Variants in UTP20 observed in about 807,000 individuals in gnomAD.
UTP20 encodes UTP20 small subunit processome component.
Under a neutral mutation model 329.5 loss-of-function variants are expected in UTP20, and 164 were observed. That is an observed-to-expected ratio of 0.50 (90% CI 0.44 to 0.57). The LOEUF is 0.57. Among genes scored for constraint, UTP20 ranks in the 20% least tolerant of loss-of-function variants. The pLI, the probability that UTP20 is intolerant of heterozygous loss-of-function variation, is 0.00. For synonymous variants in UTP20, 1,151 were observed against 1,159.3 expected (o/e 0.99, Z 0.14); for missense variants, 3,055 against 3,284.2 (o/e 0.93, Z 1.71).
intron 2 of UTP20, among the ~76,000 whole-genome samples, chr12:101,282,853 GAGAA>G (rs1312155269): frequency 6.6e-6 from 1 of 152,192 alleles, no homozygotes; most frequent in Non-Finnish European, 1.5e-5. Context: ...ATAGAGAGAA[GAGAA>G]AGATTCCAGA....
chr12:101,369,153 A>G (rs1365224010), intron 48 of UTP20, among the ~76,000 whole-genome samples: 1 of 152,228 alleles, frequency 6.6e-6, no homozygotes, highest in Non-Finnish European at 1.5e-5. Context: ...CTTTGTATTT[A>G]TAATACCCAG....
At chr12:101,291,229 T>C (rs1477601197) in intron 8 of UTP20, 4 of 186,080 alleles carry the variant, frequency 2.1e-5, no homozygotes, top group Admixed American at 5.9e-5. Context: ...CCCTCAGGGT[T>C]GCTGTGAGGA....
intron 32 of UTP20, among the ~76,000 whole-genome samples, chr12:101,340,907 G>C (rs537778362): frequency 7.5e-6 from 1 of 132,654 alleles, no homozygotes; most frequent in African/African-American, 2.6e-5. Flanking sequence ...TCTCTAACAA[G>C]CCTGGAACCC....
chr12:101,324,217 C>CATTCATTTATTT (rs1868479059), intron 25 of UTP20, among the ~76,000 whole-genome samples: 2 of 146,498 alleles, frequency 1.4e-5, no homozygotes, highest in South Asian at 2.2e-4. Context: ...TTGAGAGCCA[C>CATTCATTTATTT]ATTTATTTAT....
chr12:101,299,560 A>G (rs1565787512), intron 12 of UTP20, 122 bp from the exon 13 acceptor site: 1 of 910,506 alleles, frequency 1.1e-6, no homozygotes, highest in Non-Finnish European at 1.6e-6. Context: ...TAGCTCAACC[A>G]CCACCACCAA....
rs1182038631 is a variant in UTP20, at chr12:101,291,783, C to G, written c.933C>G (p.Asn311Lys). 6.2e-7 allele frequency: 1 copy of G among 1,605,036 alleles called. No individual in the cohort carries two copies. Among genetic ancestry groups the G allele is most frequent in the East Asian group, 2.2e-5 (1 of 44,786 alleles). Residue 311 changes from asparagine to lysine, a missense_variant, in exon 9 of 62, where the codon AAC becomes AAG. By Grantham distance (94) the Asn-to-Lys change is moderately conservative. Coordinates refer to ENST00000261637, the MANE Select transcript of UTP20 (RefSeq NM_014503.3). ...TACACACAAAAGTAACAAAAACTAA[C>G]TGTTGTGAAAGTTCTGAACAGATTA... ...LDLHTKVTKT[N>K]CCESSEQIKR... is the part of the protein sequence containing the mutation.
intron 60 of UTP20, 83 bp downstream of exon 60, chr12:101,383,752 GTCC>G (rs1256488242): frequency 2.0e-5 from 24 of 1,181,362 alleles, no homozygotes; most frequent in Admixed American, 8.7e-5. Flanking sequence ...CTTCCTTTCT[GTCC>G]TCCCTCCCTG....
chr12:101,359,177 C>T (rs1869827335), intron 43 of UTP20, among the ~76,000 whole-genome samples: 1 of 152,120 alleles, frequency 6.6e-6, no homozygotes, highest in South Asian at 2.1e-4. Flanking sequence ...AGTTCTCATG[C>T]CTCAGCCTCC....
chr12:101,352,492 A>T (rs867461239), intron 39 of UTP20, among the ~76,000 whole-genome samples: 3 of 142,122 alleles, frequency 2.1e-5, no homozygotes, highest in Non-Finnish European at 4.7e-5. Context: ...TCCAAAAATG[A>T]TGAGTTCATG....
chr12:101,306,091 C>T (rs781197179), intron 16 of UTP20, 26 bp downstream of exon 16: 23 of 1,593,376 alleles, frequency 1.4e-5, no homozygotes, highest in Admixed American at 3.4e-5. Context: ...GGTAGTGTGT[C>T]CTCAGTCTCT....
At position 101,354,820 on chromosome 12, in the gene UTP20, T is replaced by C. The variant is rs1460091597; in HGVS notation, c.5108-12T>C. On this transcript the variant is annotated splice_polypyrimidine_tract_variant and intron_variant, in intron 40 of 61. Coordinates refer to ENST00000261637, the MANE Select transcript of UTP20 (RefSeq NM_014503.3). ...TTGCTTTAAGGTGACTTTTGTTGTT[T>C]ATTAAACATAGACGCAATTGAAGCA... The C allele has an allele frequency of 2.5e-6, 4 of 1,605,638 alleles. No individual in the cohort carries two copies. The highest frequency in any genetic ancestry group is 3.4e-6 in the Non-Finnish European group (4 of 1,175,870).
rs1872473158 is a variant in UTP20 at position 101,299,963 on chromosome 12, C to A, written c.1587-10C>A. ...GTTTGAACTTTTCCCTTTTTCTCCCCCTTGGACAGACCTCTTGAGAAAGAG... is the reference window on the plus strand; with the variant it reads ...GTTTGAACTTTTCCCTTTTTCTCCCACTTGGACAGACCTCTTGAGAAAGAG... On this transcript the variant is annotated splice_polypyrimidine_tract_variant and intron_variant, in intron 13 of 61. Transcript: ENST00000261637. 3 of 1,613,890 alleles carry A rather than the reference C, an allele frequency of 1.9e-6. No individual in the cohort carries two copies. The highest frequency in any genetic ancestry group is 2.2e-5 in the South Asian group (2 of 91,052).
At chr12:101,380,825 G>T (rs139014694) in intron 57 of UTP20, among the ~76,000 whole-genome samples, 3 of 144,550 alleles carry the variant, frequency 2.1e-5, no homozygotes, top group Non-Finnish European at 3.0e-5. Flanking sequence ...GATCACTCCA[G>T]TGCAGTCCAG....
At chr12:101,379,590 C>T (rs761334855) in intron 57 of UTP20, 32 bp downstream of exon 57, 7 of 1,588,746 alleles carry the variant, frequency 4.4e-6, no homozygotes, top group South Asian at 2.3e-5. Flanking sequence ...TTCCTTCCCT[C>T]GTGACTGTAA....
rs1251724305 is a variant in UTP20 at position 101,302,459 on chromosome 12, G to A, written c.1687G>A (p.Val563Ile). 6.2e-7 allele frequency: 1 copy of A among 1,603,422 alleles called. No homozygotes were observed. The highest frequency in any genetic ancestry group is 1.1e-5 in the South Asian group (1 of 87,910). ...TTTTCTGCCCTTAGGAAACTTATTT[G>A]TTCTTTGTCAAGCTGTAAATACTCT... is the stretch of plus-strand genomic sequence containing the variant. Reference protein sequence around the residue: ...KGSFGKGNLFVLCQAVNTLLS... With the variant: ...KGSFGKGNLFILCQAVNTLLS... The change falls in exon 15 of 62, where the codon GTT becomes ATT. Residue 563 changes from valine (V) to isoleucine (I), a missense_variant. By Grantham distance (29) the Val-to-Ile change is conservative. This residue lies in a region of UTP20 where 2,445 missense variants were observed against 2,575.5 expected (regional missense o/e 0.95). Transcript: ENST00000261637.
chr12:101,296,357 G>A (rs949766299), intron 12 of UTP20, among the ~76,000 whole-genome samples: 11 of 152,076 alleles, frequency 7.2e-5, no homozygotes, highest in Non-Finnish European at 1.3e-4. Context: ...AGATCACGAG[G>A]TCAGGAGATC....
chr12:101,282,869 A>G (rs142779385), intron 2 of UTP20, among the ~76,000 whole-genome samples: 44 of 152,310 alleles, frequency 2.9e-4, no homozygotes, highest in African/African-American at 1.0e-3. Context: ...GATTCCAGAG[A>G]TGTTGAGGAA....
chr12:101,321,615 T>C lies in UTP20; in HGVS notation c.3027T>C (p.Phe1009=). The C allele has an allele frequency of 6.2e-7, 1 of 1,613,520 alleles. No homozygotes were observed. Among genetic ancestry groups the C allele is most frequent in the Non-Finnish European group, 8.5e-7 (1 of 1,179,686 alleles). Residue 1009 remains phenylalanine (F), a synonymous_variant, in exon 25 of 62, where the codon TTT becomes TTC. Coordinates refer to ENST00000261637, the MANE Select transcript of UTP20 (RefSeq NM_014503.3). ...AAACAGCCCACCGAGCAGATCTATT[T>C]CCTATTCTGATGAGGTATTTATGCT... is the stretch of plus-strand genomic sequence containing the variant. ...VVKTAHRADL[F]PILMRILYGR...
chr12:101,360,996 G>A (rs571528945), intron 43 of UTP20, among the ~76,000 whole-genome samples: 2 of 152,264 alleles, frequency 1.3e-5, no homozygotes, highest in South Asian at 4.1e-4. Flanking sequence ...AAGCTTGAGA[G>A]GCAGGATAAC....
Sources: allele counts gnomAD v4.1 joint callset (sites outside exome capture counted in the v4.1 genomes callset), GRCh38; gene constraint gnomAD v4.1.1; regional missense constraint gnomAD v4.1.1; transcripts MANE v1.5; gene names NCBI Gene and HGNC (gene_info 2026-07-23, HGNC 2026-07-21).